Variants in COL24A1 observed in about 807,000 individuals in gnomAD.
COL24A1 encodes collagen type XXIV alpha 1 chain.
A neutral mutation model predicts 253.9 loss-of-function variants in COL24A1; 224 were observed. That is an observed-to-expected ratio of 0.88 (90% CI 0.79 to 0.99). The LOEUF is 0.99. COL24A1 is among the 50% of genes least tolerant of loss of function. The pLI is 0.00. For synonymous variants in COL24A1, 685 were observed against 673.7 expected (o/e 1.02, Z -0.26); for missense variants, 2,131 against 2,068.5 (o/e 1.03, Z -0.59).
At chr1:85,996,109 C>T (rs1443031346) in intron 19 of COL24A1, among the ~76,000 whole-genome samples, 4 of 152,062 alleles carry the variant, frequency 2.6e-5, no homozygotes, top group South Asian at 2.1e-4. Context: ...GTTAACTATA[C>T]CTCTATAAAG....
In COL24A1 at chr1:85,947,847, G is replaced by A. The variant is rs534051226; in HGVS notation, c.2562+13402C>T. Among the ~76,000 whole-genome samples, 5 of 151,652 alleles carry A rather than the reference G, an allele frequency of 3.3e-5. No homozygotes were observed. The South Asian group carries it at 6.3e-4, about 19-fold the overall frequency. On this transcript the variant is annotated intron_variant, in intron 24 of 59. Transcript: ENST00000370571. Reference sequence around the variant, plus strand: ...AGTACATGGAAGCCCCTCAACCCCCGACAATTTCTCCACCACAGAAGTTTT... The same window carrying A: ...AGTACATGGAAGCCCCTCAACCCCCAACAATTTCTCCACCACAGAAGTTTT...
intron 5 of COL24A1, among the ~76,000 whole-genome samples, chr1:86,100,130 A>C (rs1416159541): frequency 6.6e-6 from 1 of 152,132 alleles, no homozygotes; most frequent in Admixed American, 6.6e-5. Context: ...GCACAAATAC[A>C]ACCAAAATCT....
chr1:86,057,999 C>A lies in COL24A1; in HGVS notation c.1807-24G>T. On this transcript the variant is annotated intron_variant, in intron 9 of 59. Transcript: ENST00000370571. ...CCCTGGTGTAAACAAAAGACATTGT[C>A]ATCATACTACAGTACTTTTTAAAGA... is the stretch of plus-strand genomic sequence containing the variant. 1.9e-6 allele frequency: 3 copies of A among 1,599,462 alleles called. No homozygotes were observed. The South Asian group carries it at 3.3e-5, about 18-fold the overall frequency.
chr1:86,070,916 G>A (rs929029145), intron 7 of COL24A1, among the ~76,000 whole-genome samples: 2 of 152,132 alleles, frequency 1.3e-5, no homozygotes, highest in African/African-American at 4.8e-5. Context: ...ACTGGAAATA[G>A]TAGGTACACA....
intron 47 of COL24A1, among the ~76,000 whole-genome samples, chr1:85,792,784 A>G (rs1376056604): frequency 6.6e-6 from 1 of 152,098 alleles, no homozygotes; most frequent in South Asian, 2.1e-4. Flanking sequence ...ATAAATAATT[A>G]TAATGACAGC....
At chr1:85,732,940 G>A (rs1469645541) in intron 59 of COL24A1, among the ~76,000 whole-genome samples, 1 of 152,120 alleles carries the variant, frequency 6.6e-6, no homozygotes, top group Non-Finnish European at 1.5e-5. Context: ...GCCAGTGAAA[G>A]CCCAATCTAG....
At chr1:86,038,058 C>T (rs1035816035) in intron 12 of COL24A1, among the ~76,000 whole-genome samples, 2 of 151,924 alleles carry the variant, frequency 1.3e-5, no homozygotes, top group African/African-American at 2.4e-5. Flanking sequence ...ATTTTATGTC[C>T]ACCTGTCGCC....
In COL24A1 at chr1:85,911,310, T is replaced by C. The variant is rs1685340803; in HGVS notation, c.2616+70A>G. 4.3e-6 allele frequency: 5 copies of C among 1,164,986 alleles called. No homozygotes were observed. In the South Asian group the frequency reaches 5.1e-5, roughly 12 times the overall value. 72.2% of individuals were successfully genotyped at this position (1,164,986 alleles called of 1,614,324 possible). ...GATTTCTAATTAACATAAAAGATCA[T>C]ATGAAAGTCTGCCTTTTGAATTTAG... On this transcript the variant is annotated intron_variant, in intron 25 of 59. Transcript: ENST00000370571.
chr1:85,851,193 T>C (rs1677732502), intron 37 of COL24A1, among the ~76,000 whole-genome samples: 1 of 152,052 alleles, frequency 6.6e-6, no homozygotes, highest in African/African-American at 2.4e-5. Flanking sequence ...TTTTGTATCT[T>C]TAAAAATTTT....
chr1:85,779,018 T>C (rs1570578765), intron 52 of COL24A1, among the ~76,000 whole-genome samples: 1 of 152,094 alleles, frequency 6.6e-6, no homozygotes, highest in African/African-American at 2.4e-5. Context: ...TTTTTCCTTT[T>C]TTAAAGAGAT....
intron 47 of COL24A1, among the ~76,000 whole-genome samples, chr1:85,813,943 C>T (rs972234105): frequency 6.6e-6 from 1 of 152,084 alleles, no homozygotes; most frequent in African/African-American, 2.4e-5. Context: ...ACTGAGAGTC[C>T]AATGGTGGCC....
intron 37 of COL24A1, among the ~76,000 whole-genome samples, chr1:85,852,894 C>G (rs889158175): frequency 6.6e-6 from 1 of 152,186 alleles, no homozygotes; most frequent in African/African-American, 2.4e-5. Flanking sequence ...AAGCAATCCA[C>G]TCACCTCAGC....
At chr1:86,104,615 C>A (rs1704773090) in intron 5 of COL24A1, among the ~76,000 whole-genome samples, 1 of 152,212 alleles carries the variant, frequency 6.6e-6, no homozygotes, top group African/African-American at 2.4e-5. Context: ...GCTCAGTCAA[C>A]TGGCCTCATT....
At chr1:85,849,018 G>A (rs568220921) in intron 38 of COL24A1, among the ~76,000 whole-genome samples, 49 of 152,194 alleles carry the variant, frequency 3.2e-4, no homozygotes, top group African/African-American at 1.0e-3. Flanking sequence ...CTTTACTAAA[G>A]TTGTCATTGA....
chr1:86,063,966 T>G (rs1233164122), intron 7 of COL24A1, among the ~76,000 whole-genome samples: 1 of 151,918 alleles, frequency 6.6e-6, no homozygotes, highest in Admixed American at 6.6e-5. Flanking sequence ...TAATTCTTAT[T>G]AATAATTTAA....
At chr1:86,129,795 C>T (rs1237748341) in intron 2 of COL24A1, among the ~76,000 whole-genome samples, 1 of 151,676 alleles carries the variant, frequency 6.6e-6, no homozygotes, top group Non-Finnish European at 1.5e-5. Context: ...ACTCAATTAG[C>T]CTCATAAGTG....
intron 14 of COL24A1, among the ~76,000 whole-genome samples, chr1:86,031,118 T>C (rs1698531359): frequency 6.6e-6 from 1 of 152,102 alleles, no homozygotes; most frequent in Non-Finnish European, 1.5e-5. Context: ...ATTATTCAGC[T>C]ATAAAAAAGA....
intron 19 of COL24A1, among the ~76,000 whole-genome samples, chr1:86,000,197 C>T (rs1298706736): frequency 1.3e-5 from 2 of 152,126 alleles, no homozygotes; most frequent in South Asian, 2.1e-4. Context: ...GAACCCTTCT[C>T]TATCCTTTCA....
In COL24A1 at chr1:86,125,926, A is replaced by C. The variant is rs368561891; in HGVS notation, c.410T>G (p.Leu137Ter). ...NKNRLQLGVQ[L>*]LPKKLVVHIR... ...GTGTACTACTAATTTTTTAGGTAGT[A>C]ATTGTACTCCTAATTGCAGTCTATT... The change falls in exon 3 of 60, where the codon TTA becomes TGA. Residue 137 changes from leucine (L) to a stop codon, truncating the protein, a stop_gained. Transcript: ENST00000370571. LOFTEE classifies it high-confidence loss of function. The C allele has an allele frequency of 7.8e-5, 126 of 1,613,290 alleles. No homozygotes were observed. The highest frequency in any genetic ancestry group is 9.9e-5 in the Non-Finnish European group (117 of 1,179,716).
Sources: allele counts gnomAD v4.1 joint callset (sites outside exome capture counted in the v4.1 genomes callset), GRCh38; gene constraint gnomAD v4.1.1; transcripts MANE v1.5; gene names NCBI Gene and HGNC (gene_info 2026-07-23, HGNC 2026-07-21).